RNGTT: variants seen among roughly 807,000 people sequenced by gnomAD.
The protein encoded by RNGTT is RNA guanylyltransferase and 5'-phosphatase, also known as mRNA-capping enzyme.
RNGTT carries 33 observed loss-of-function variants against 79.3 expected under a neutral mutation model. The ratio of observed to expected loss-of-function variants is 0.42; its 90% CI spans 0.32 to 0.56. The LOEUF (loss-of-function observed/expected upper bound fraction) is 0.56. RNGTT is among the 20% of genes least tolerant of loss of function. The pLI, the probability that RNGTT is intolerant of heterozygous loss-of-function variation, is 0.17. For missense variants in RNGTT, 497 were observed against 739.1 expected (o/e 0.67, Z 3.80); for synonymous variants, 222 against 235.9 (o/e 0.94, Z 0.54).
intron 8 of RNGTT, 89 bp downstream of exon 8, chr6:88,890,396 GAAATTCACAC>G (rs764568113): frequency 1.1e-5 from 8 of 748,186 alleles, no homozygotes; most frequent in Non-Finnish European, 1.7e-5. Context: ...ATTCACATTA[GAAATTCACAC>G]TCTCAAGAGT....
intron 4 of RNGTT, among the ~76,000 whole-genome samples, chr6:88,927,686 T>C (rs1784365466): frequency 6.8e-6 from 1 of 147,994 alleles, no homozygotes; most frequent in Non-Finnish European, 1.5e-5. Flanking sequence ...ATACAAAAAT[T>C]AGCAGGGTGT....
chr6:88,780,731 G>A (rs143110503), intron 12 of RNGTT, among the ~76,000 whole-genome samples: 2 of 152,202 alleles, frequency 1.3e-5, no homozygotes, highest in South Asian at 2.1e-4. Flanking sequence ...AAATGTAAAC[G>A]TCAGGCAGCA....
At chr6:88,637,709 G>T (rs1410588019) in intron 14 of RNGTT, among the ~76,000 whole-genome samples, 2 of 152,074 alleles carry the variant, frequency 1.3e-5, no homozygotes, top group Non-Finnish European at 1.5e-5. Context: ...GTGCATCTGA[G>T]AATCCTAATG....
intron 14 of RNGTT, among the ~76,000 whole-genome samples, chr6:88,630,714 CTT>C (rs3839425): frequency 2.7e-4 from 40 of 146,706 alleles, no homozygotes; most frequent in Non-Finnish European, 3.6e-4. Flanking sequence ...ACATCTGAGA[CTT>C]TTTTTTTTTT....
rs546588844 is a variant in RNGTT, at chr6:88,715,436, G to C, written c.1440-37017C>G. On this transcript the variant is annotated intron_variant, in intron 13 of 15. Coordinates refer to ENST00000369485, the MANE Select transcript of RNGTT (RefSeq NM_003800.5). ...ATGCCATCCCCATCAAGCTACCAAT[G>C]ACTTTCTTCACAGAATTGGAAAAAA... is the stretch of plus-strand genomic sequence containing the variant. Among the ~76,000 whole-genome samples the C allele has an allele frequency of 6.6e-5, 10 of 152,188 alleles. No individual in the cohort carries two copies. In the South Asian group the frequency reaches 2.1e-3, roughly 32 times the overall value.
At chr6:88,828,788 G>C (rs1780754121) in intron 11 of RNGTT, among the ~76,000 whole-genome samples, 1 of 151,810 alleles carries the variant, frequency 6.6e-6, no homozygotes, top group South Asian at 2.1e-4. Context: ...AAGGATATCA[G>C]AGATTGAAGA....
At chr6:88,707,233 T>C (rs1776157181) in intron 13 of RNGTT, among the ~76,000 whole-genome samples, 1 of 152,164 alleles carries the variant, frequency 6.6e-6, no homozygotes, top group Admixed American at 6.5e-5. Flanking sequence ...CCTGCCTTTC[T>C]GACCCTCTAG....
chr6:88,862,245 G>C (rs537749288), intron 8 of RNGTT, among the ~76,000 whole-genome samples: 57 of 152,168 alleles, frequency 3.7e-4, no homozygotes, highest in Admixed American at 2.2e-3. Flanking sequence ...CAAGATTAGA[G>C]TGTTGGGACT....
intron 1 of RNGTT, among the ~76,000 whole-genome samples, chr6:88,946,439 T>C (rs1262117887): frequency 6.6e-6 from 1 of 152,064 alleles, no homozygotes; most frequent in Non-Finnish European, 1.5e-5. Flanking sequence ...TTAGGCCAAT[T>C]AATAACCCTA....
At chr6:88,714,788 C>A (rs1271534497) in intron 13 of RNGTT, among the ~76,000 whole-genome samples, 1 of 152,030 alleles carries the variant, frequency 6.6e-6, no homozygotes. Context: ...ACTGAACACT[C>A]CAATTGCATT....
intron 13 of RNGTT, among the ~76,000 whole-genome samples, chr6:88,745,830 C>T (rs1261080072): frequency 4.6e-5 from 7 of 151,692 alleles, no homozygotes; most frequent in Non-Finnish European, 1.0e-4. Flanking sequence ...AACTTGGCCC[C>T]CTTATATACT....
chr6:88,642,536 G>A (rs1307601657), intron 14 of RNGTT, among the ~76,000 whole-genome samples: 1 of 152,166 alleles, frequency 6.6e-6, no homozygotes, highest in Non-Finnish European at 1.5e-5. Context: ...ACTCTTGCAT[G>A]TGCTGGCTCC....
intron 14 of RNGTT, among the ~76,000 whole-genome samples, chr6:88,616,499 T>G (rs536141940): frequency 9.9e-5 from 15 of 152,198 alleles, no homozygotes; most frequent in Admixed American, 9.8e-4. Flanking sequence ...CCTTAACACC[T>G]GTTAGTTTTT....
intron 14 of RNGTT, among the ~76,000 whole-genome samples, chr6:88,665,591 G>A (rs1774372002): frequency 6.6e-6 from 1 of 152,190 alleles, no homozygotes; most frequent in South Asian, 2.1e-4. Flanking sequence ...TAGACCTGAA[G>A]GACGCCTTCT....
At chr6:88,851,140 A>G (rs980977244) in intron 9 of RNGTT, among the ~76,000 whole-genome samples, 16 of 151,840 alleles carry the variant, frequency 1.1e-4, no homozygotes, top group Admixed American at 5.2e-4. Flanking sequence ...ACATCTTAAA[A>G]TAGTGAATTT....
chr6:88,842,414 T>A (rs907042524), intron 11 of RNGTT, among the ~76,000 whole-genome samples: 2 of 151,744 alleles, frequency 1.3e-5, no homozygotes, highest in African/African-American at 4.8e-5. Context: ...GCAATAACAG[T>A]AGTACCAGTA....
intron 1 of RNGTT, among the ~76,000 whole-genome samples, chr6:88,954,513 AAT>A (rs1785362163): frequency 6.6e-6 from 1 of 152,162 alleles, no homozygotes; most frequent in Non-Finnish European, 1.5e-5. Context: ...TAAGAAATGA[AAT>A]ACACAGCAAC....
intron 13 of RNGTT, among the ~76,000 whole-genome samples, chr6:88,715,807 A>G (rs1234977913): frequency 2.6e-5 from 4 of 152,256 alleles, no homozygotes; most frequent in African/African-American, 9.6e-5. Context: ...CCTTATACAT[A>G]AATTAATTCA....
chr6:88,897,742 G>T (rs1783301080), intron 6 of RNGTT, among the ~76,000 whole-genome samples: 1 of 152,120 alleles, frequency 6.6e-6, no homozygotes, highest in Admixed American at 6.5e-5. Context: ...TGATAAGGAT[G>T]GCTCACCAAA....
Sources: gnomAD v4.1 joint callset for allele counts (sites outside exome capture counted in the v4.1 genomes callset) on GRCh38, gnomAD v4.1.1 for gene constraint, MANE v1.5 for transcripts, NCBI Gene and HGNC (gene_info 2026-07-23, HGNC 2026-07-21) for gene names.